The following COL11A2 variants were observed in gnomAD, a reference collection of about 807,000 sequenced individuals.
The protein encoded by COL11A2 is collagen alpha-2(XI) chain.
Under a neutral mutation model 273.4 loss-of-function variants are expected in COL11A2, and 116 were observed. That is an observed-to-expected ratio of 0.42 (90% CI 0.36 to 0.49). COL11A2 has a LOEUF of 0.49. Ranked by LOEUF, COL11A2 falls within the 20% of genes least tolerant of loss-of-function variation. COL11A2 has a pLI of 0.00. For synonymous variants in COL11A2, 782 were observed against 864.2 expected (o/e 0.90, Z 1.67); for missense variants, 1,866 against 2,309.0 (o/e 0.81, Z 3.93).
Position 33,177,008 on chromosome 6 carries a change from C to T in COL11A2, c.2054G>A (p.Gly685Asp), listed in dbSNP as rs757431548. Residue 685 changes from glycine to aspartate, a missense_variant, in exon 25 of 66, where the codon GGC becomes GAC. Physicochemically the swap from Gly to Asp is moderately conservative, Grantham distance 94. Coordinates refer to ENST00000341947, the MANE Select transcript of COL11A2 (RefSeq NM_080680.3). This position sits in a 1 kb window ranked among gnomAD's most constrained non-coding sequence, Gnocchi z 5.9. ...CCCACTCACCGGGGGTCCGTCTGAG[C>T]CAGGCATGCCGGGGAGCCCTGGCTT... is the stretch of plus-strand genomic sequence containing the variant. ...QGKPGLPGMP[G>D]SDGPPGHPGK... 1 of 1,611,936 alleles carries T rather than the reference C, an allele frequency of 6.2e-7. No homozygotes were observed. Among genetic ancestry groups the T allele is most frequent in the Admixed American group, 1.7e-5 (1 of 59,812 alleles).
rs1562359279 is a variant in COL11A2 at position 33,178,904 on chromosome 6, G to A, written c.1665+16C>T. On this transcript the variant is annotated intron_variant, in intron 17 of 65. Coordinates refer to ENST00000341947, the MANE Select transcript of COL11A2 (RefSeq NM_080680.3). The surrounding 1 kb of genome is among the most constrained non-coding windows in gnomAD (Gnocchi z 4.6). ...CTGAAGGCTACAGGCTTCAGGGAGG[G>A]GCCCAAGCCTGTTACCTTCACTCCA... The A allele has an allele frequency of 3.1e-6, 5 of 1,613,748 alleles. No individual in the cohort carries two copies. The highest frequency in any genetic ancestry group is 2.2e-5 in the East Asian group (1 of 44,848).
rs1239386225 is a variant in COL11A2, at chr6:33,166,221, A to G, written c.4393-15T>C. The G allele has an allele frequency of 1.3e-6, 2 of 1,594,986 alleles. No individual in the cohort carries two copies. Among genetic ancestry groups the G allele is most frequent in the Non-Finnish European group, 1.7e-6 (2 of 1,171,726 alleles). ...CCAGCAGGTCCCTGTGAAATGAGGA[A>G]CAAGAAAGAGACGGTCACTGCAGGG... On this transcript the variant is annotated splice_polypyrimidine_tract_variant and intron_variant, in intron 60 of 65. Transcript: ENST00000341947. The surrounding 1 kb of genome is among the most constrained non-coding windows in gnomAD (Gnocchi z 4.8).
In COL11A2 at chr6:33,185,022, C is replaced by T. The variant is rs1436231624; in HGVS notation, c.909G>A (p.Leu303=). The change falls in exon 7 of 66, where the codon CTG becomes CTA. Residue 303 remains leucine, a synonymous_variant. Transcript: ENST00000341947. ...DPTPGEEEEI[L]ESSLLPPLEE... ...CAAGGGGTGGCAAGAGGCTCGACTC[C>T]AGGATTTCTTCCTCTTCACCTGGGG... The T allele has an allele frequency of 1.3e-6, 2 of 1,551,376 alleles. No homozygotes were observed. Among genetic ancestry groups the T allele is most frequent in the Non-Finnish European group, 1.7e-6 (2 of 1,146,808 alleles).
chr6:33,174,064 A>T lies in COL11A2; in HGVS notation c.2485-9T>A. On this transcript the variant is annotated splice_polypyrimidine_tract_variant and intron_variant, in intron 32 of 65. Transcript: ENST00000341947. Reference sequence around the variant, plus strand: ...GACTTCCCCGACAGGCCCTGGTGGGAATGAAGCAGAGAGAACATTACCCAG... The same window carrying T: ...GACTTCCCCGACAGGCCCTGGTGGGTATGAAGCAGAGAGAACATTACCCAG... The T allele has an allele frequency of 1.2e-6, 2 of 1,613,642 alleles. No individual in the cohort carries two copies. The highest frequency in any genetic ancestry group is 1.7e-6 in the Non-Finnish European group (2 of 1,179,954).
Position 33,189,387 on chromosome 6 carries a change from T to C in COL11A2, c.165A>G (p.Pro55=), listed in dbSNP as rs1387378734. The C allele has an allele frequency of 6.2e-7, 1 of 1,613,160 alleles. No individual in the cohort carries two copies. The highest frequency in any genetic ancestry group is 1.7e-5 in the Admixed American group (1 of 60,028). The change falls in exon 2 of 66, where the codon CCA becomes CCG. Residue 55 remains proline, a synonymous_variant. Coordinates refer to ENST00000341947, the MANE Select transcript of COL11A2 (RefSeq NM_080680.3). The surrounding 1 kb of genome is among the most constrained non-coding windows in gnomAD (Gnocchi z 5.6). The part of the protein sequence containing the change: ...DGVRRAKGIC[P]ADVAYRVARP... ...GTGCCACTCGGTAGGCCACATCAGC[T>C]GGACAGATGCCTTTCGCTCTCCGGA...
At chr6:33,193,429 C>G (rs946655816), upstream of COL11A2, among the ~76,000 whole-genome samples, 5 of 145,508 alleles carry the variant, frequency 3.4e-5, no homozygotes, top group Admixed American at 6.7e-5. Context: ...CTCTCCCCCC[C>G]TCCCCGACAA....
chr6:33,174,661 T>C lies in COL11A2; in HGVS notation c.2377-81A>G, dbSNP rs377135739. On this transcript the variant is annotated intron_variant, in intron 30 of 65. Transcript: ENST00000341947. ...CCCTGGAGACCTCAACCCTCACATA[T>C]AACAGCCAGCCCCCACCCAGCAACA... The C allele has an allele frequency of 2.3e-3, 3,209 of 1,367,300 alleles. 81 individuals carry two copies. In the South Asian group the frequency reaches 0.033, roughly 14 times the overall value. The allele number at this position is 1,367,300 out of a possible 1,614,324, so 84.7% of individuals were successfully genotyped here. A position where few individuals can be genotyped will look rare whatever the true frequency, so the allele number is the denominator to read the frequency against.
chr6:33,185,107 A>C, intron 6 of COL11A2, 53 bp from the exon 7 acceptor site: 1 of 1,389,028 alleles, frequency 7.2e-7, no homozygotes, highest in Non-Finnish European at 1.0e-6. Context: ...AGGAAGGAGA[A>C]AGGTTAGCAG....
intron 3 of COL11A2, 122 bp from the exon 4 acceptor site, chr6:33,188,646 T>C: frequency 2.7e-6 from 3 of 1,111,082 alleles, no homozygotes; most frequent in Non-Finnish European, 4.1e-6. Context: ...TAACAATGGC[T>C]ACCATTTATT....
rs751584939 is a variant in COL11A2, at chr6:33,167,099, G to A, written c.4201C>T (p.Arg1401Trp). The change falls in exon 58 of 66, where the codon CGG becomes TGG. Residue 1401 changes from arginine (R) to tryptophan (W), a missense_variant. Physicochemically the swap from Arg to Trp is moderately radical, Grantham distance 101. Coordinates refer to ENST00000341947, the MANE Select transcript of COL11A2 (RefSeq NM_080680.3). The surrounding 1 kb of genome is among the most constrained non-coding windows in gnomAD (Gnocchi z 6.1). ...PVGPPGLPGL[R>W]GDAGAKGEKG... ...TCTCCCTTGGCTCCAGCATCGCCCC[G>A]GAGACCAGGCAGCCCTGGGGGTCCC... 6.2e-6 allele frequency: 10 copies of A among 1,614,086 alleles called. No homozygotes were observed. In the East Asian group the frequency reaches 8.9e-5, roughly 14 times the overall value.
chr6:33,178,781 C>T lies in COL11A2; in HGVS notation c.1666-49G>A. The T allele has an allele frequency of 6.2e-7, 1 of 1,610,170 alleles. No individual in the cohort carries two copies. The highest frequency in any genetic ancestry group is 8.5e-7 in the Non-Finnish European group (1 of 1,177,590). Reference sequence around the variant, plus strand: ...AGTGAGGACACGACCCTGTCCAAGCCCACCCCTCCCTACTGCACCCTGAGC... The same window carrying T: ...AGTGAGGACACGACCCTGTCCAAGCTCACCCCTCCCTACTGCACCCTGAGC... On this transcript the variant is annotated intron_variant, in intron 17 of 65. Transcript: ENST00000341947. The surrounding 1 kb of genome is among the most constrained non-coding windows in gnomAD (Gnocchi z 4.6).
chr6:33,174,280 C>A, intron 31 of COL11A2, 62 bp from the exon 32 acceptor site: 1 of 1,545,428 alleles, frequency 6.5e-7, no homozygotes, highest in Non-Finnish European at 8.8e-7. Context: ...CAGGAAGGGG[C>A]AAAGGGGGTC....
chr6:33,166,080 G>T lies in COL11A2; in HGVS notation c.4428+91C>A. 3 of 1,602,236 alleles carry T rather than the reference G, an allele frequency of 1.9e-6. No individual in the cohort carries two copies. The highest frequency in any genetic ancestry group is 1.7e-6 in the Non-Finnish European group (2 of 1,172,814). Reference sequence around the variant, plus strand: ...AATCAGCCTCCTGGCTGGAATAAGGGGCTCCTTGGGGGGAGTCTATTTGTC... The same window carrying T: ...AATCAGCCTCCTGGCTGGAATAAGGTGCTCCTTGGGGGGAGTCTATTTGTC... On this transcript the variant is annotated intron_variant, in intron 61 of 65. Coordinates refer to ENST00000341947, the MANE Select transcript of COL11A2 (RefSeq NM_080680.3). The surrounding 1 kb of genome is among the most constrained non-coding windows in gnomAD (Gnocchi z 4.8).
In COL11A2 at chr6:33,180,121, G is replaced by T; in HGVS notation, c.1359+137C>A. ...GCCCCATCTCCCCAACCCCAAAGAC[G>T]AATCCCTTTGGAGTGATGATCTTTG... On this transcript the variant is annotated intron_variant, in intron 12 of 65. Transcript: ENST00000341947. 3.1e-6 allele frequency: 3 copies of T among 977,104 alleles called. No individual in the cohort carries two copies. In the South Asian group the frequency reaches 4.0e-5, roughly 13 times the overall value. The allele number at this position is 977,104 out of a possible 1,614,324, so 60.5% of individuals were successfully genotyped here. A position where few individuals can be genotyped will look rare whatever the true frequency, so the allele number is the denominator to read the frequency against.
upstream of COL11A2, chr6:33,193,439 A>C: frequency 1.1e-5 from 1 of 92,252 alleles, no homozygotes. Context: ...CTCCCCGACA[A>C]AGCTTGCCTT....
chr6:33,189,404 C>T lies in COL11A2; in HGVS notation c.148G>A (p.Ala50Thr). The change falls in exon 2 of 66, where the codon GCG becomes ACG. Residue 50 changes from alanine (A) to threonine (T), a missense_variant. By Grantham distance (58) the Ala-to-Thr change is moderately conservative (BLOSUM62 0). Transcript: ENST00000341947. The surrounding 1 kb of genome is among the most constrained non-coding windows in gnomAD (Gnocchi z 5.6). ...ACATCAGCTGGACAGATGCCTTTCGCTCTCCGGACACCATCAGGGAGGGAG... is the reference window on the plus strand; with the variant it reads ...ACATCAGCTGGACAGATGCCTTTCGTTCTCCGGACACCATCAGGGAGGGAG... ...FPSLPDGVRR[A>T]KGICPADVAY... is the part of the protein sequence containing the mutation. The T allele has an allele frequency of 6.2e-7, 1 of 1,613,186 alleles. No individual in the cohort carries two copies. Among genetic ancestry groups the T allele is most frequent in the Non-Finnish European group, 8.5e-7 (1 of 1,180,024 alleles).
At chr6:33,175,865 G>T in intron 29 of COL11A2, 151 bp downstream of exon 29, 1 of 1,097,680 alleles carries the variant, frequency 9.1e-7, no homozygotes, top group Non-Finnish European at 1.4e-6. Flanking sequence ...AGACCATGGG[G>T]CTATCATCCT....
chr6:33,185,491 C>A (rs953385597), intron 6 of COL11A2, among the ~76,000 whole-genome samples: 2 of 151,170 alleles, frequency 1.3e-5, no homozygotes, highest in Non-Finnish European at 2.9e-5. Context: ...GGGTCCGATG[C>A]CCCCTAGGGG....
chr6:33,184,426 C>T, intron 7 of COL11A2, 102 bp from the exon 8 acceptor site: 1 of 802,264 alleles, frequency 1.2e-6, no homozygotes. Context: ...CCAAAGGATT[C>T]CAAGGTTAAT....
Sources: allele counts gnomAD v4.1 joint callset (sites outside exome capture counted in the v4.1 genomes callset), GRCh38; gene constraint gnomAD v4.1.1; non-coding constraint Gnocchi (gnomAD v3.1); transcripts MANE v1.5; gene names NCBI Gene and HGNC (gene_info 2026-07-23, HGNC 2026-07-21).